ENTPD1: variants seen among roughly 807,000 people sequenced by gnomAD.
ENTPD1 encodes the protein ATP diphosphohydrolase.
A neutral mutation model predicts 57.0 loss-of-function variants in ENTPD1; 33 were observed. The ratio of observed to expected loss-of-function variants is 0.58; its 90% CI spans 0.44 to 0.77. The LOEUF is 0.77. Among genes scored for constraint, ENTPD1 ranks in the 30% least tolerant of loss-of-function variants. ENTPD1 has a pLI of 0.00. For missense variants in ENTPD1, 501 were observed against 603.4 expected, an observed-to-expected ratio of 0.83 and a Z score of 1.78; for synonymous variants, 202 against 218.8, an observed-to-expected ratio of 0.92 and a Z score of 0.68.
chr10:95,865,751 C>G (rs2141008803), intron 9 of ENTPD1, among the ~76,000 whole-genome samples: 1 of 152,194 alleles, frequency 6.6e-6, no homozygotes, highest in Middle Eastern at 3.4e-3. Context: ...ACGAGGTAGT[C>G]ATGATGTATG....
At chr10:95,742,283 C>T (rs185313065) in intron 1 of ENTPD1, among the ~76,000 whole-genome samples, 13 of 152,238 alleles carry the variant, frequency 8.5e-5, no homozygotes, top group South Asian at 2.1e-4. Context: ...AGCTTTTCTG[C>T]ATCTCAGAGC....
chr10:95,871,318 C>G lies in ENTPD1; in HGVS notation c.*4935C>G, dbSNP rs1015768138. 2.7e-5 allele frequency: 27 copies of G among 985,052 alleles called. No individual in the cohort carries two copies. The highest frequency in any genetic ancestry group is 3.1e-5 in the Non-Finnish European group (26 of 829,706). The allele number at this position is 985,052 out of a possible 1,614,324, so 61.0% of individuals were successfully genotyped here. A position where few individuals can be genotyped will look rare whatever the true frequency, so the allele number is the denominator to read the frequency against. On this transcript the variant is annotated 3_prime_UTR_variant, in exon 10 of 10. Transcript: ENST00000371205. Reference sequence around the variant, plus strand: ...GTTTATCTCACCAAAGAAATATTATCTTTAAAAAATGTCATTACTTCTAAG... The same window carrying G: ...GTTTATCTCACCAAAGAAATATTATGTTTAAAAAATGTCATTACTTCTAAG...
chr10:95,716,042 A>C (rs1181315592), intron 1 of ENTPD1, among the ~76,000 whole-genome samples: 1 of 152,018 alleles, frequency 6.6e-6, no homozygotes, highest in Non-Finnish European at 1.5e-5. Flanking sequence ...TTTAAAAAAA[A>C]TTTGTGCAGT....
chr10:95,760,027 C>A (rs1374489391), intron 1 of ENTPD1, among the ~76,000 whole-genome samples: 3 of 152,124 alleles, frequency 2.0e-5, no homozygotes, highest in African/African-American at 7.2e-5. Context: ...CAGTGGTGCA[C>A]GCTTGTAGTT....
intron 1 of ENTPD1, among the ~76,000 whole-genome samples, chr10:95,717,320 G>T (rs1360448814): frequency 6.9e-6 from 1 of 144,182 alleles, no homozygotes; most frequent in African/African-American, 2.6e-5. Flanking sequence ...GTTCATTGAG[G>T]TTCTTGGATC....
In ENTPD1 at chr10:95,876,176, GTCAGT is replaced by G; in HGVS notation, c.*9795_*9799del. 2.0e-6 allele frequency: 2 copies of G among 984,232 alleles called. No individual in the cohort carries two copies. The highest frequency in any genetic ancestry group is 2.4e-6 in the Non-Finnish European group (2 of 828,908). The allele number at this position is 984,232 out of a possible 1,614,324, so 61.0% of individuals were successfully genotyped here. ...AAATGCAACATTTGTACTCCACATTGTCAGTTTTCTTAGGTATATTTATAAATACT... is the reference window on the plus strand; with the variant it reads ...AAATGCAACATTTGTACTCCACATTGTTTCTTAGGTATATTTATAAATACT... On this transcript the variant is annotated 3_prime_UTR_variant, in exon 10 of 10. Transcript: ENST00000371205.
intron 4 of ENTPD1, among the ~76,000 whole-genome samples, chr10:95,844,040 C>A (rs1375861425): frequency 6.6e-6 from 1 of 152,126 alleles, no homozygotes; most frequent in African/African-American, 2.4e-5. Flanking sequence ...TCTACTAGAA[C>A]CCTAATTAAA....
intron 1 of ENTPD1, among the ~76,000 whole-genome samples, chr10:95,767,617 A>C (rs887194559): frequency 3.3e-5 from 5 of 151,720 alleles, no homozygotes; most frequent in African/African-American, 1.2e-4. Context: ...TTCTTATCTC[A>C]CTATGCCTTT....
intron 1 of ENTPD1, among the ~76,000 whole-genome samples, chr10:95,794,508 C>T (rs1469435327): frequency 3.3e-5 from 5 of 152,076 alleles, no homozygotes; most frequent in Non-Finnish European, 5.9e-5. Context: ...CCCCAGCCCC[C>T]GAGGGATTCT....
In ENTPD1 at chr10:95,817,416, C is replaced by T. The variant is rs565473563; in HGVS notation, c.17-5821C>T. ...GGATGTGCCACCCTAAAAGGCCACA[C>T]CCTCTCTCTCCAGTGACTTCAACAG... is the stretch of plus-strand genomic sequence containing the variant. On this transcript the variant is annotated intron_variant, in intron 1 of 9. Transcript: ENST00000371205. Among the ~76,000 whole-genome samples the T allele has an allele frequency of 1.2e-3, 178 of 152,286 alleles. 1 individual carries two copies. The highest frequency in any genetic ancestry group is 4.1e-3 in the African/African-American group (170 of 41,566).
chr10:95,742,064 C>T (rs537281227), intron 1 of ENTPD1, among the ~76,000 whole-genome samples: 2 of 152,194 alleles, frequency 1.3e-5, no homozygotes, highest in East Asian at 3.9e-4. Context: ...TCCTCAAAAG[C>T]TGGGTGTGTG....
At chr10:95,832,733 A>G (rs2098400196) in intron 2 of ENTPD1, among the ~76,000 whole-genome samples, 1 of 152,228 alleles carries the variant, frequency 6.6e-6, no homozygotes, top group Admixed American at 6.5e-5. Flanking sequence ...GCTACTTTCT[A>G]GCCGAGACTT....
chr10:95,842,622 G>T, intron 4 of ENTPD1, 128 bp downstream of exon 4: 1 of 1,049,092 alleles, frequency 9.5e-7, no homozygotes, highest in African/African-American at 1.6e-5. Flanking sequence ...CCATACTTAA[G>T]AAAGGATATT....
At chr10:95,861,500 T>C (rs561843312) in intron 8 of ENTPD1, 3 of 152,332 alleles carry the variant, frequency 2.0e-5, no homozygotes, top group Admixed American at 1.3e-4. Context: ...CTGACTGCAC[T>C]GACAAGGGGG....
At chr10:95,863,717 A>G (rs2098469305) in intron 8 of ENTPD1, among the ~76,000 whole-genome samples, 1 of 152,200 alleles carries the variant, frequency 6.6e-6, no homozygotes, top group African/African-American at 2.4e-5. Flanking sequence ...AAGGGAGAGA[A>G]ATCTGGGAAA....
chr10:95,789,350 G>A (rs545353702), intron 1 of ENTPD1, among the ~76,000 whole-genome samples: 2 of 152,248 alleles, frequency 1.3e-5, no homozygotes, highest in African/African-American at 4.8e-5. Context: ...CTTAAATATG[G>A]AAGATTTGTT....
intron 2 of ENTPD1, among the ~76,000 whole-genome samples, chr10:95,837,401 G>GC (rs1480703712): frequency 6.6e-6 from 1 of 152,146 alleles, no homozygotes; most frequent in African/African-American, 2.4e-5. Flanking sequence ...GGGTCCAGTG[G>GC]CCCCAGACCT....
chr10:95,778,425 G>A (rs1222051860), intron 1 of ENTPD1, among the ~76,000 whole-genome samples: 1 of 152,122 alleles, frequency 6.6e-6, no homozygotes, highest in Non-Finnish European at 1.5e-5. Flanking sequence ...AACTTCACTG[G>A]TAGGCAAACA....
At chr10:95,755,947 A>G (rs1397249018), upstream of ENTPD1, 1 of 1,474,560 alleles carries the variant, frequency 6.8e-7, no homozygotes, top group Middle Eastern at 2.3e-4. Context: ...GAGAGATTTG[A>G]ATATACATTG....
Sources: gnomAD v4.1 joint callset for allele counts (sites outside exome capture counted in the v4.1 genomes callset) on GRCh38, gnomAD v4.1.1 for gene constraint, MANE v1.5 for transcripts, NCBI Gene and HGNC (gene_info 2026-07-23, HGNC 2026-07-21) for gene names.